WASHC4: variants seen among roughly 807,000 people sequenced by gnomAD.
The protein encoded by WASHC4 is WASH complex subunit 7.
Under a neutral mutation model 166.6 loss-of-function variants are expected in WASHC4, and 86 were observed. The observed-to-expected ratio is 0.52, with a 90% CI of 0.43 to 0.62. WASHC4 has a LOEUF of 0.62. Ranked by LOEUF, WASHC4 falls within the 20% of genes least tolerant of loss-of-function variation. The probability of loss-of-function intolerance (pLI) is 0.00; values close to 1 mark genes in which losing one functional copy is unlikely to be tolerated. For missense variants in WASHC4, 1,262 were observed against 1,382.4 expected (o/e 0.91, Z 1.38); for synonymous variants, 446 against 451.6 (o/e 0.99, Z 0.16).
At chr12:105,116,945 C>A (rs188452964) in intron 6 of WASHC4, among the ~76,000 whole-genome samples, 134 of 152,290 alleles carry the variant, frequency 8.8e-4, no homozygotes, top group African/African-American at 3.1e-3. Context: ...GTGGCACTGC[C>A]TATCTGCTGC....
Position 105,167,998 on chromosome 12 carries a change from A to G in WASHC4, c.*1067A>G, listed in dbSNP as rs1377663509. 1 of 152,294 alleles carries G rather than the reference A, an allele frequency of 6.6e-6. No homozygotes were observed. Among genetic ancestry groups the G allele is most frequent in the Non-Finnish European group, 1.5e-5 (1 of 67,962 alleles). The allele number at this position is 152,294 out of a possible 1,614,324, so 9.4% of individuals were successfully genotyped here. A position where few individuals can be genotyped will look rare whatever the true frequency, so the allele number is the denominator to read the frequency against. On this transcript the variant is annotated 3_prime_UTR_variant, in exon 33 of 33. Coordinates refer to ENST00000332180, the MANE Select transcript of WASHC4 (RefSeq NM_015275.3). ...AGGTATGTAAGTTATTAAATGGTTA[A>G]TCATGGCCTTTTAAAAATAAAATAA...
In WASHC4 at chr12:105,107,781, C is replaced by G. The variant is rs766686209; in HGVS notation, c.-20C>G. The G allele has an allele frequency of 7.1e-6, 11 of 1,546,504 alleles. No individual in the cohort carries two copies. The East Asian group carries it at 2.2e-4, about 31-fold the overall frequency. On this transcript the variant is annotated 5_prime_UTR_variant, in exon 1 of 33. Coordinates refer to ENST00000332180, the MANE Select transcript of WASHC4 (RefSeq NM_015275.3). ...CCGCACGGGCTGGTTGGGGCTGTGTCTGTGGGAGGCGCCGGGGTGATGGCG... is the reference window on the plus strand; with the variant it reads ...CCGCACGGGCTGGTTGGGGCTGTGTGTGTGGGAGGCGCCGGGGTGATGGCG...
intron 28 of WASHC4, among the ~76,000 whole-genome samples, chr12:105,159,524 T>C (rs1884363363): frequency 6.6e-6 from 1 of 152,200 alleles, no homozygotes; most frequent in East Asian, 1.9e-4. Context: ...ATTTCTTTCT[T>C]ACAGTGGTGG....
chr12:105,159,882 G>A (rs1884387649), intron 28 of WASHC4, 119 bp from the exon 29 acceptor site: 2 of 869,140 alleles, frequency 2.3e-6, no homozygotes, highest in East Asian at 4.9e-5. Flanking sequence ...AATTTTCTTA[G>A]AAGTGTCTTA....
chr12:105,151,103 C>T (rs1372131032), intron 25 of WASHC4, among the ~76,000 whole-genome samples: 1 of 135,854 alleles, frequency 7.4e-6, no homozygotes, highest in Middle Eastern at 4.5e-3. Flanking sequence ...CGAGATAATG[C>T]CACTGCTCTC....
chr12:105,146,050 G>A (rs536622205), intron 22 of WASHC4, among the ~76,000 whole-genome samples: 1 of 152,194 alleles, frequency 6.6e-6, no homozygotes, highest in Admixed American at 6.5e-5. Context: ...ACCTTGCAAA[G>A]TACCTGAAAA....
At chr12:105,112,586 G>T (rs919080263) in intron 2 of WASHC4, among the ~76,000 whole-genome samples, 16 of 152,026 alleles carry the variant, frequency 1.1e-4, no homozygotes, top group African/African-American at 3.9e-4. Flanking sequence ...AGCCTTTATT[G>T]TCTTGATTAT....
chr12:105,153,806 AT>A (rs1291195822), intron 26 of WASHC4, among the ~76,000 whole-genome samples: 1 of 151,538 alleles, frequency 6.6e-6, no homozygotes, highest in African/African-American at 2.4e-5. Context: ...ACATGTTTTT[AT>A]TTTTTTTGAG....
chr12:105,122,024 T>C (rs892585341), intron 9 of WASHC4, 94 bp from the exon 10 acceptor site: 2 of 855,358 alleles, frequency 2.3e-6, no homozygotes, highest in East Asian at 2.7e-5. Flanking sequence ...ACAAGAAATA[T>C]AAATATAAAA....
At position 105,144,271 on chromosome 12, in the gene WASHC4, A is replaced by C. The variant is rs777388955; in HGVS notation, c.2011-16A>C. 9 of 1,605,982 alleles carry C rather than the reference A, an allele frequency of 5.6e-6. No individual in the cohort carries two copies. In the Admixed American group the frequency reaches 8.4e-5, roughly 15 times the overall value. On this transcript the variant is annotated splice_polypyrimidine_tract_variant and intron_variant, in intron 20 of 32. Transcript: ENST00000332180. ...ATCATTTTGAAAAATTAAAGTATCAAATCTTTTGTGAATAGCATTTGCTGG... is the reference window on the plus strand; with the variant it reads ...ATCATTTTGAAAAATTAAAGTATCACATCTTTTGTGAATAGCATTTGCTGG...
At chr12:105,113,154 C>T (rs151064537) in intron 2 of WASHC4, among the ~76,000 whole-genome samples, 220 of 152,148 alleles carry the variant, frequency 1.4e-3, no homozygotes, top group African/African-American at 5.1e-3. Context: ...AGGAAACTGT[C>T]ATTCTCAACC....
At position 105,107,775 on chromosome 12, in the gene WASHC4, C is replaced by G; in HGVS notation, c.-26C>G. 6.5e-7 allele frequency: 1 copy of G among 1,539,522 alleles called. No homozygotes were observed. The highest frequency in any genetic ancestry group is 8.8e-7 in the Non-Finnish European group (1 of 1,136,542). On this transcript the variant is annotated 5_prime_UTR_variant, in exon 1 of 33. Coordinates refer to ENST00000332180, the MANE Select transcript of WASHC4 (RefSeq NM_015275.3). ...TCGTCGCCGCACGGGCTGGTTGGGG[C>G]TGTGTCTGTGGGAGGCGCCGGGGTG...
At chr12:105,164,567 A>T in intron 31 of WASHC4, 74 bp from the exon 32 acceptor site, 2 of 1,055,510 alleles carry the variant, frequency 1.9e-6, no homozygotes, top group East Asian at 2.6e-5. Context: ...AGAGGCATAA[A>T]AATGCATATA....
At chr12:105,163,373 C>T (rs1566032444) in intron 30 of WASHC4, among the ~76,000 whole-genome samples, 1 of 152,168 alleles carries the variant, frequency 6.6e-6, no homozygotes, top group Non-Finnish European at 1.5e-5. Flanking sequence ...TATTGCTAAT[C>T]ACTTGTCCAC....
At chr12:105,148,658 C>T (rs1287842379) in intron 24 of WASHC4, 2 of 985,104 alleles carry the variant, frequency 2.0e-6, no homozygotes, top group Admixed American at 1.2e-4. Flanking sequence ...AATGTTTAAG[C>T]TACAAGATAA....
intron 24 of WASHC4, chr12:105,148,661 C>T: frequency 7.1e-6 from 7 of 985,208 alleles, no homozygotes; most frequent in Non-Finnish European, 8.4e-6. Context: ...GTTTAAGCTA[C>T]AAGATAAGTT....
chr12:105,117,321 T>A (rs1035899730), intron 6 of WASHC4, among the ~76,000 whole-genome samples: 1 of 152,342 alleles, frequency 6.6e-6, no homozygotes, highest in African/African-American at 2.4e-5. Context: ...TTTAGTTGGG[T>A]TTATTTAAAA....
intron 26 of WASHC4, among the ~76,000 whole-genome samples, chr12:105,153,349 G>A (rs530433917): frequency 8.4e-4 from 128 of 152,240 alleles, no homozygotes; most frequent in African/African-American, 2.9e-3. Context: ...TGGGTAATAC[G>A]TTATAAGCAT....
intron 2 of WASHC4, among the ~76,000 whole-genome samples, chr12:105,111,814 T>G (rs1879700889): frequency 6.6e-6 from 1 of 152,234 alleles, no homozygotes; most frequent in African/African-American, 2.4e-5. Context: ...TGAAAAATAA[T>G]TTACATTTTA....
Sources: allele counts gnomAD v4.1 joint callset (sites outside exome capture counted in the v4.1 genomes callset), GRCh38; gene constraint gnomAD v4.1.1; transcripts MANE v1.5; gene names NCBI Gene and HGNC (gene_info 2026-07-23, HGNC 2026-07-21).